The following VEGFC variants were observed in gnomAD, a reference collection of about 807,000 sequenced individuals.
VEGFC encodes the protein vascular endothelial growth factor C, also known as FLT4 ligand DHM.
Under a neutral mutation model 46.1 loss-of-function variants are expected in VEGFC, and 12 were observed. That is an observed-to-expected ratio of 0.26 (90% CI 0.17 to 0.42). VEGFC has a LOEUF of 0.42. Ranked by LOEUF, VEGFC falls within the 10% of genes least tolerant of loss-of-function variation. VEGFC has a pLI of 1.00. For synonymous variants in VEGFC, 232 were observed against 195.5 expected, an observed-to-expected ratio of 1.19 and a Z score of -1.56; for missense variants, 488 against 529.4, an observed-to-expected ratio of 0.92 and a Z score of 0.77.
intron 1 of VEGFC, among the ~76,000 whole-genome samples, chr4:176,785,906 T>C (rs1267043116): frequency 6.6e-6 from 1 of 152,182 alleles, no homozygotes; most frequent in Non-Finnish European, 1.5e-5. Flanking sequence ...ATGCAAACCA[T>C]AATGGCAGAG....
At chr4:176,729,211 T>C (rs1734920940) in intron 2 of VEGFC, among the ~76,000 whole-genome samples, 1 of 152,224 alleles carries the variant, frequency 6.6e-6, no homozygotes. Context: ...TTTGATAAGA[T>C]AAAGAATGTT....
intron 4 of VEGFC, among the ~76,000 whole-genome samples, chr4:176,703,634 T>C (rs1734473844): frequency 6.6e-6 from 1 of 152,094 alleles, no homozygotes; most frequent in African/African-American, 2.4e-5. Context: ...TTAAAATGTT[T>C]ACAACACAAA....
At chr4:176,690,341 T>G (rs78634928) in intron 4 of VEGFC, among the ~76,000 whole-genome samples, 1 of 148,594 alleles carries the variant, frequency 6.7e-6, no homozygotes, top group Non-Finnish European at 1.5e-5. Flanking sequence ...TTTTTTTTTT[T>G]GGCTTTTTGG....
chr4:176,771,071 ATAAT>A (rs1735714176), intron 1 of VEGFC, among the ~76,000 whole-genome samples: 2 of 152,292 alleles, frequency 1.3e-5, no homozygotes, highest in East Asian at 3.9e-4. Flanking sequence ...TTGAAATAAA[ATAAT>A]TAAATTCTAC....
intron 4 of VEGFC, chr4:176,689,152 T>A (rs1734101853): frequency 6.6e-6 from 1 of 152,204 alleles, no homozygotes; most frequent in Non-Finnish European, 1.5e-5. Flanking sequence ...ACACTCATTA[T>A]ATATTGTAAA....
At chr4:176,722,590 G>A (rs1488738687) in intron 3 of VEGFC, among the ~76,000 whole-genome samples, 1 of 150,596 alleles carries the variant, frequency 6.6e-6, no homozygotes, top group Non-Finnish European at 1.5e-5. Context: ...CTGCCTTCCA[G>A]GATCCAGCAA....
At chr4:176,791,231 G>A (rs1192575718) in intron 1 of VEGFC, among the ~76,000 whole-genome samples, 3 of 152,046 alleles carry the variant, frequency 2.0e-5, no homozygotes, top group Non-Finnish European at 4.4e-5. Flanking sequence ...TCCAGCAAGG[G>A]GTACTGCAAG....
At chr4:176,718,599 TCTATGTATCAGAATTAGCTCATAGCA>T (rs1380724752) in intron 3 of VEGFC, among the ~76,000 whole-genome samples, 1 of 152,088 alleles carries the variant, frequency 6.6e-6, no homozygotes, top group Non-Finnish European at 1.5e-5. Flanking sequence ...TAATGCTGCT[TCTATGTATCAGAATTAGCTCATAGCA>T]AGCTAGCTTC....
chr4:176,695,268 T>G (rs1718099459), intron 4 of VEGFC, among the ~76,000 whole-genome samples: 1 of 149,954 alleles, frequency 6.7e-6, no homozygotes, highest in South Asian at 2.1e-4. Flanking sequence ...AAGAATCAAA[T>G]AGACGCAATA....
chr4:176,699,569 A>G (rs1215024525), intron 4 of VEGFC, among the ~76,000 whole-genome samples: 1 of 152,216 alleles, frequency 6.6e-6, no homozygotes, highest in Non-Finnish European at 1.5e-5. Context: ...TGTCAGAGCT[A>G]CAGAGCCCTG....
At chr4:176,738,663 C>T (rs113768148) in intron 1 of VEGFC, among the ~76,000 whole-genome samples, 8 of 152,096 alleles carry the variant, frequency 5.3e-5, no homozygotes, top group African/African-American at 9.6e-5. Flanking sequence ...ATGACGAAGA[C>T]GCCAAAAGCG....
intron 4 of VEGFC, among the ~76,000 whole-genome samples, chr4:176,691,941 C>T (rs941739195): frequency 3.3e-5 from 5 of 152,222 alleles, no homozygotes; most frequent in East Asian, 3.9e-4. Context: ...AGTGGGTGCA[C>T]GCACCGTGCG....
chr4:176,714,504 A>G, intron 3 of VEGFC, among the ~76,000 whole-genome samples: 1 of 152,344 alleles, frequency 6.6e-6, no homozygotes, highest in East Asian at 1.9e-4. Flanking sequence ...CAATGCAAAA[A>G]CAAAGTAATA....
intron 6 of VEGFC, 130 bp from the exon 7 acceptor site, chr4:176,684,170 A>AT: frequency 1.4e-6 from 1 of 705,390 alleles, no homozygotes; most frequent in African/African-American, 1.8e-5. Context: ...GAAATTGTTC[A>AT]TAGGTTTAAA....
intron 1 of VEGFC, among the ~76,000 whole-genome samples, chr4:176,767,555 T>C (rs1735649070): frequency 6.6e-6 from 1 of 152,202 alleles, no homozygotes; most frequent in Non-Finnish European, 1.5e-5. Flanking sequence ...TAGTTAGGAC[T>C]TCCCACTGTT....
chr4:176,740,266 CTATA>C (rs1258156021), intron 1 of VEGFC, among the ~76,000 whole-genome samples: 1 of 113,990 alleles, frequency 8.8e-6, no homozygotes, highest in Non-Finnish European at 1.7e-5. Context: ...ATATATATAA[CTATA>C]TATTCTCTAT....
chr4:176,750,369 C>T lies in VEGFC; in HGVS notation c.148-20623G>A, dbSNP rs145477216. Among the ~76,000 whole-genome samples, 170 of 151,394 alleles carry T rather than the reference C, an allele frequency of 1.1e-3. 4 individuals are homozygous for T. The East Asian group carries it at 0.03, about 27-fold the overall frequency. On this transcript the variant is annotated intron_variant, in intron 1 of 6. Coordinates refer to ENST00000618562, the MANE Select transcript of VEGFC (RefSeq NM_005429.5). Reference sequence around the variant, plus strand: ...ATTACAAGAATAACCTAAAACAAAACTATATTTGTTTTGAAAGTTTAAAAT... The same window carrying T: ...ATTACAAGAATAACCTAAAACAAAATTATATTTGTTTTGAAAGTTTAAAAT...
In VEGFC at chr4:176,683,850, C is replaced by G. The variant is rs568174073; in HGVS notation, c.*76G>C. ...TTAGCATGGACCCACAAGGGTCTCTCTGTTCACAGACAGTTCTACTGTGGC... is the reference window on the plus strand; with the variant it reads ...TTAGCATGGACCCACAAGGGTCTCTGTGTTCACAGACAGTTCTACTGTGGC... On this transcript the variant is annotated 3_prime_UTR_variant, in exon 7 of 7. Coordinates refer to ENST00000618562, the MANE Select transcript of VEGFC (RefSeq NM_005429.5). 21 of 1,212,244 alleles carry G rather than the reference C, an allele frequency of 1.7e-5. No individual in the cohort carries two copies. The African/African-American group carries it at 3.0e-4, about 17-fold the overall frequency. 75.1% of individuals were successfully genotyped at this position (1,212,244 alleles called of 1,614,324 possible).
At position 176,792,690 on chromosome 4, in the gene VEGFC, GC is replaced by G. The variant is rs1392549216; in HGVS notation, c.-380del. 6.2e-6 allele frequency: 1 copy of G among 162,076 alleles called. No homozygotes were observed. The highest frequency in any genetic ancestry group is 1.3e-5 in the Non-Finnish European group (1 of 75,162). The allele number at this position is 162,076 out of a possible 1,614,324, so 10.0% of individuals were successfully genotyped here. On this transcript the variant is annotated 5_prime_UTR_variant, in exon 1 of 7. An upstream open reading frame in the 5' UTR loses its in-frame stop. Coordinates refer to ENST00000618562, the MANE Select transcript of VEGFC (RefSeq NM_005429.5). This position sits in a 1 kb window ranked among gnomAD's most constrained non-coding sequence, Gnocchi z 6.3. Reference sequence around the variant, plus strand: ...ACACCAGAACACCCCGCGATGTTCAGCCCCTCCAAACCCGCCAGAGCCCTCG... The same window carrying G: ...ACACCAGAACACCCCGCGATGTTCAGCCCTCCAAACCCGCCAGAGCCCTCG...
Sources: allele counts gnomAD v4.1 joint callset (sites outside exome capture counted in the v4.1 genomes callset), GRCh38; gene constraint gnomAD v4.1.1; non-coding constraint Gnocchi (gnomAD v3.1); transcripts MANE v1.5; gene names NCBI Gene and HGNC (gene_info 2026-07-23, HGNC 2026-07-21).